GRIK4: variants seen among roughly 807,000 people sequenced by gnomAD.
GRIK4 encodes glutamate receptor ionotropic, kainate 4.
A neutral mutation model predicts 104.9 loss-of-function variants in GRIK4; 40 were observed. The ratio of observed to expected loss-of-function variants is 0.38; its 90% CI spans 0.30 to 0.50. The LOEUF is 0.50. Among genes scored for constraint, GRIK4 ranks in the 20% least tolerant of loss-of-function variants. The pLI, the probability that GRIK4 is intolerant of heterozygous loss-of-function variation, is 0.93. For synonymous variants in GRIK4, 485 were observed against 524.9 expected, an observed-to-expected ratio of 0.92 and a Z score of 1.04; for missense variants, 1,047 against 1,308.1, an observed-to-expected ratio of 0.80 and a Z score of 3.08.
intron 1 of GRIK4, among the ~76,000 whole-genome samples, chr11:120,649,066 A>G (rs1949581221): frequency 6.6e-6 from 1 of 152,138 alleles, no homozygotes; most frequent in African/African-American, 2.4e-5. Flanking sequence ...GAGGGGTGGC[A>G]TGGGCCCTGC....
intron 4 of GRIK4, among the ~76,000 whole-genome samples, chr11:120,804,025 G>A (rs1001249070): frequency 5.3e-5 from 8 of 152,102 alleles, no homozygotes; most frequent in African/African-American, 1.4e-4. Flanking sequence ...ACAGTCCTCC[G>A]GCCTGTTGTT....
chr11:120,889,589 ATTTTTTTTTTTTTTT>A (rs369264259), intron 11 of GRIK4, among the ~76,000 whole-genome samples: 1 of 62,452 alleles, frequency 1.6e-5, no homozygotes, highest in Non-Finnish European at 2.9e-5. Flanking sequence ...AAGAGCTTAC[ATTTTTTTTTTTTTTT>A]TTTTTTTTTT....
chr11:120,919,088 G>A (rs1021929925), intron 13 of GRIK4, among the ~76,000 whole-genome samples: 3 of 152,198 alleles, frequency 2.0e-5, no homozygotes, highest in African/African-American at 4.8e-5. Flanking sequence ...TCTAACCACT[G>A]CAATGCCTCT....
chr11:120,841,257 C>T (rs192910133), intron 8 of GRIK4, among the ~76,000 whole-genome samples: 15 of 152,238 alleles, frequency 9.9e-5, no homozygotes, highest in African/African-American at 2.4e-4. Context: ...ACCCATTAGA[C>T]GCAAACTCCC....
chr11:120,984,177 A>G (rs1227479338), intron 20 of GRIK4, among the ~76,000 whole-genome samples: 2 of 152,242 alleles, frequency 1.3e-5, no homozygotes, highest in Admixed American at 1.3e-4. Context: ...CCCAATAGCT[A>G]AAATAAAGAG....
In GRIK4 at chr11:120,986,233, A is replaced by AC. The variant is rs1381600136; in HGVS notation, c.2844_2845insC (p.Thr949HisfsTer197). ...GCGAGGAGAGCCTGGAGTGGGAGAA[A>AC]ACCACCAACAGCAGCGAGCCCGAGT... On this transcript the variant is annotated frameshift_variant, in exon 21 of 21. Transcript: ENST00000527524. LOFTEE classifies it high-confidence loss of function. 1 of 1,571,502 alleles carries AC rather than the reference A, an allele frequency of 6.4e-7. No individual in the cohort carries two copies. Among genetic ancestry groups the AC allele is most frequent in the Non-Finnish European group, 8.6e-7 (1 of 1,168,550 alleles).
intron 18 of GRIK4, among the ~76,000 whole-genome samples, chr11:120,965,688 A>G (rs185902847): frequency 6.6e-6 from 1 of 152,210 alleles, no homozygotes; most frequent in Admixed American, 6.5e-5. Context: ...GATCTGGGAG[A>G]TGTTCTAGTT....
chr11:120,516,641 G>C (rs145195456), intron 1 of GRIK4, among the ~76,000 whole-genome samples: 3 of 152,274 alleles, frequency 2.0e-5, no homozygotes, highest in Middle Eastern at 3.4e-3. Context: ...GGCTGGGCCT[G>C]GGCGCTGGTG....
intron 9 of GRIK4, among the ~76,000 whole-genome samples, chr11:120,866,599 G>A (rs1318400127): frequency 6.6e-6 from 1 of 152,174 alleles, no homozygotes; most frequent in East Asian, 1.9e-4. Context: ...TTCAGTGAGT[G>A]GGGGTGTTCT....
In GRIK4 at chr11:120,905,201, C is replaced by A; in HGVS notation, c.1273-89C>A. On this transcript the variant is annotated intron_variant, in intron 12 of 20. Transcript: ENST00000527524. The surrounding 1 kb of genome is among the most constrained non-coding windows in gnomAD (Gnocchi z 5.1). ...TCCTCCTTCTGCCCCATGTCCTCCC[C>A]GACCCTCTGTGCCCCTGGCCCTCCC... The A allele has an allele frequency of 1.1e-6, 1 of 941,666 alleles. No individual in the cohort carries two copies. The highest frequency in any genetic ancestry group is 1.7e-6 in the Non-Finnish European group (1 of 577,406). The allele number at this position is 941,666 out of a possible 1,614,324, so 58.3% of individuals were successfully genotyped here.
At position 120,838,009 on chromosome 11, in the gene GRIK4, A is replaced by G. The variant is rs150622494; in HGVS notation, c.744+1165A>G. Among the ~76,000 whole-genome samples, 69 of 152,296 alleles carry G rather than the reference A, an allele frequency of 4.5e-4. No individual in the cohort carries two copies. In the East Asian group the frequency reaches 0.011, roughly 25 times the overall value. Reference sequence around the variant, plus strand: ...AGGTGTCGCTGGGGTGATTTAGCAGATGGAAGGAAGCCATTCATTTGGAAT... The same window carrying G: ...AGGTGTCGCTGGGGTGATTTAGCAGGTGGAAGGAAGCCATTCATTTGGAAT... On this transcript the variant is annotated intron_variant, in intron 8 of 20. Coordinates refer to ENST00000527524, the MANE Select transcript of GRIK4 (RefSeq NM_014619.5).
chr11:120,965,036 T>G (rs1944359649), intron 18 of GRIK4, among the ~76,000 whole-genome samples: 1 of 152,200 alleles, frequency 6.6e-6, no homozygotes, highest in Non-Finnish European at 1.5e-5. Context: ...AGTTCATTGA[T>G]GAGTCAGGAT....
intron 1 of GRIK4, among the ~76,000 whole-genome samples, chr11:120,653,169 T>C (rs981611183): frequency 3.9e-5 from 6 of 152,110 alleles, no homozygotes; most frequent in Admixed American, 6.5e-5. Context: ...GTGCTGAAGG[T>C]GAATAAGCAT....
intron 1 of GRIK4, among the ~76,000 whole-genome samples, chr11:120,643,727 C>T (rs1233088482): frequency 6.6e-6 from 1 of 152,144 alleles, no homozygotes; most frequent in Non-Finnish European, 1.5e-5. Flanking sequence ...GGCTCTGACC[C>T]GTGCCTCTTA....
chr11:120,680,621 G>C (rs1950176723), intron 3 of GRIK4, among the ~76,000 whole-genome samples: 1 of 152,178 alleles, frequency 6.6e-6, no homozygotes, highest in Non-Finnish European at 1.5e-5. Context: ...TCTTATCCTG[G>C]GCTGCTGTGG....
chr11:120,746,257 T>C (rs1951436105), intron 3 of GRIK4, among the ~76,000 whole-genome samples: 1 of 152,102 alleles, frequency 6.6e-6, no homozygotes, highest in African/African-American at 2.4e-5. Context: ...AGAGATGTGT[T>C]CGTTTCCTCT....
At chr11:120,984,162 G>A (rs148139833) in intron 20 of GRIK4, among the ~76,000 whole-genome samples, 48 of 152,298 alleles carry the variant, frequency 3.2e-4, no homozygotes, top group African/African-American at 1.1e-3. Flanking sequence ...AGTAGTTAGA[G>A]CAGTCCCAAT....
At position 120,905,505 on chromosome 11, in the gene GRIK4, A is replaced by G. The variant is rs1942848918; in HGVS notation, c.1476+12A>G. ...AGCTGATCGCTAGGGTAAGGAGAGGACAAGTGATCTGGGCCTGAGGGTGGG... is the reference window on the plus strand; with the variant it reads ...AGCTGATCGCTAGGGTAAGGAGAGGGCAAGTGATCTGGGCCTGAGGGTGGG... On this transcript the variant is annotated intron_variant, in intron 13 of 20. Coordinates refer to ENST00000527524, the MANE Select transcript of GRIK4 (RefSeq NM_014619.5). The surrounding 1 kb of genome is among the most constrained non-coding windows in gnomAD (Gnocchi z 5.1). 6.6e-7 allele frequency: 1 copy of G among 1,512,444 alleles called. No homozygotes were observed. The highest frequency in any genetic ancestry group is 9.1e-7 in the Non-Finnish European group (1 of 1,094,816). 93.7% of individuals were successfully genotyped at this position (1,512,444 alleles called of 1,614,324 possible).
intron 13 of GRIK4, among the ~76,000 whole-genome samples, chr11:120,929,737 T>C (rs2134602496): frequency 6.6e-6 from 1 of 152,232 alleles, no homozygotes; most frequent in East Asian, 1.9e-4. Flanking sequence ...CTTCCTCTTC[T>C]GGTTGGGCGT....
Sources: gnomAD v4.1 joint callset for allele counts (sites outside exome capture counted in the v4.1 genomes callset) on GRCh38, gnomAD v4.1.1 for gene constraint, Gnocchi (gnomAD v3.1) non-coding constraint, MANE v1.5 for transcripts, NCBI Gene and HGNC (gene_info 2026-07-23, HGNC 2026-07-21) for gene names.